The following KLF17 variants were observed in gnomAD, a reference collection of about 807,000 sequenced individuals.
KLF17 encodes the protein KLF transcription factor 17.
In KLF17, 31 loss-of-function variants were observed where a neutral mutation model predicts 34.2. That is an observed-to-expected ratio of 0.91 (90% CI 0.68 to 1.22). The LOEUF is 1.22. Among genes scored for constraint, KLF17 ranks in the 50% most tolerant of loss-of-function variants. The pLI is 0.00. For missense variants in KLF17, 478 were observed against 505.2 expected, an observed-to-expected ratio of 0.95 and a Z score of 0.52; for synonymous variants, 179 against 186.7, an observed-to-expected ratio of 0.96 and a Z score of 0.34.
upstream of KLF17, chr1:44,118,785 G>C: frequency 1.4e-6 from 1 of 737,222 alleles, no homozygotes; most frequent in Non-Finnish European, 2.1e-6. Flanking sequence ...GCCCCTTGGC[G>C]CAGCTGTAAA....
intron 1 of KLF17, among the ~76,000 whole-genome samples, chr1:44,128,282 G>A (rs2088052301): frequency 6.6e-6 from 1 of 152,128 alleles, no homozygotes; most frequent in African/African-American, 2.4e-5. Flanking sequence ...CTGAGCTCAA[G>A]CAATCCACCT....
the KLF17 span, among the ~76,000 whole-genome samples, chr1:44,100,079 T>TAC: frequency 0.39 from 53,534 of 138,104 alleles, 10,271 homozygotes; most frequent in Middle Eastern, 0.44. Flanking sequence ...CTACTAAAAA[T>TAC]ACACACACAC....
chr1:44,069,894 C>T, the KLF17 span: 1 of 152,154 alleles, frequency 6.6e-6, no homozygotes. The surrounding 1 kb of genome is among the most constrained non-coding windows in gnomAD (Gnocchi z 4.7). Context: ...CTGCTCCTGC[C>T]CCAGCGTCGG....
chr1:44,124,776 G>A (rs1009009049), intron 1 of KLF17, among the ~76,000 whole-genome samples: 1 of 152,148 alleles, frequency 6.6e-6, no homozygotes, highest in Non-Finnish European at 1.5e-5. Flanking sequence ...GATTACAGGT[G>A]TGAGCTGCTG....
At chr1:44,053,549 T>C in the KLF17 span, among the ~76,000 whole-genome samples, 8 of 151,990 alleles carry the variant, frequency 5.3e-5, no homozygotes, top group African/African-American at 1.9e-4. Flanking sequence ...CTGGCCCATA[T>C]CCCCTACTGC....
At chr1:44,096,116 A>G in the KLF17 span, among the ~76,000 whole-genome samples, 5 of 151,104 alleles carry the variant, frequency 3.3e-5, no homozygotes, top group Middle Eastern at 3.4e-3. Flanking sequence ...TAACATTTCT[A>G]TTTTTTGTAG....
At chr1:44,103,232 C>T in the KLF17 span, 2 of 655,956 alleles carry the variant, frequency 3.0e-6, no homozygotes, top group Non-Finnish European at 5.5e-6. Context: ...CTGTGCTCCC[C>T]TGCACAGCGG....
chr1:44,067,051 T>G, the KLF17 span, among the ~76,000 whole-genome samples: 1 of 152,222 alleles, frequency 6.6e-6, no homozygotes, highest in African/African-American at 2.4e-5. Context: ...CGATAACATT[T>G]AACTCTTGGG....
Position 44,129,846 on chromosome 1 carries a change from T to C in KLF17, c.575T>C (p.Leu192Ser), listed in dbSNP as rs531602229. 7.6e-5 allele frequency: 122 copies of C among 1,614,070 alleles called. No individual in the cohort carries two copies. In the South Asian group the frequency reaches 1.2e-3, roughly 16 times the overall value. The change falls in exon 2 of 4, where the codon TTG becomes TCG. Residue 192 changes from leucine (L) to serine (S), a missense_variant. Leu to Ser is a moderately radical substitution (Grantham distance 145, BLOSUM62 -2). Coordinates refer to ENST00000372299, the MANE Select transcript of KLF17 (RefSeq NM_173484.4). Reference sequence around the variant, plus strand: ...ACAGTACCTTCTGACGAAACATTGTTGGGCCCGACTGTGCCTTCCACTGAG... The same window carrying C: ...ACAGTACCTTCTGACGAAACATTGTCGGGCCCGACTGTGCCTTCCACTGAG... ...LSTVPSDETL[L>S]GPTVPSTEAQ...
At chr1:44,122,492 C>G (rs2087959488) in intron 1 of KLF17, 1 of 1,059,550 alleles carries the variant, frequency 9.4e-7, no homozygotes, top group African/African-American at 1.6e-5. Flanking sequence ...TCAATTTCAT[C>G]AAAAATCTCA....
chr1:44,129,443 A>C lies in KLF17; in HGVS notation c.172A>C (p.Ile58Leu). The C allele has an allele frequency of 6.2e-7, 1 of 1,601,834 alleles. No individual in the cohort carries two copies. The highest frequency in any genetic ancestry group is 8.5e-7 in the Non-Finnish European group (1 of 1,173,332). The change falls in exon 2 of 4, where the codon ATT becomes CTT. Residue 58 changes from isoleucine (I) to leucine (L), a missense_variant. Coordinates refer to ENST00000372299, the MANE Select transcript of KLF17 (RefSeq NM_173484.4). ...HTSWNQGLPS[I>L]QHFPHSAEML... ...CTCTTGGAACCAAGGCCTACCAAGC[A>C]TTCAGCACTTTCCTCACAGCGCAGA...
the KLF17 span, among the ~76,000 whole-genome samples, chr1:44,093,760 G>C: frequency 6.6e-6 from 1 of 152,198 alleles, no homozygotes; most frequent in Non-Finnish European, 1.5e-5. Context: ...GAGACCTCTG[G>C]AGGAGGGTTT....
intron 1 of KLF17, 42 bp downstream of exon 1, chr1:44,119,030 G>A (rs748464278): frequency 7.9e-6 from 12 of 1,522,086 alleles, no homozygotes; most frequent in Non-Finnish European, 9.8e-6. Context: ...GCGGGCCCAG[G>A]CTAGGGGGCG....
the KLF17 span, among the ~76,000 whole-genome samples, chr1:44,059,795 A>G: frequency 6.6e-6 from 1 of 151,616 alleles, no homozygotes; most frequent in African/African-American, 2.4e-5. Flanking sequence ...ACTCTGATCC[A>G]AATCTAGTTG....
the KLF17 span, among the ~76,000 whole-genome samples, chr1:44,069,449 G>C: frequency 6.7e-6 from 1 of 149,364 alleles, no homozygotes; most frequent in Non-Finnish European, 1.5e-5. The surrounding 1 kb of genome is among the most constrained non-coding windows in gnomAD (Gnocchi z 4.7). Context: ...AAGGCGGAGG[G>C]GAGCCAGTGT....
the KLF17 span, among the ~76,000 whole-genome samples, chr1:44,047,079 C>T: frequency 6.7e-6 from 1 of 149,478 alleles, no homozygotes; most frequent in African/African-American, 2.5e-5. Flanking sequence ...CAGACATGTC[C>T]TTGAAAGTAT....
the KLF17 span, among the ~76,000 whole-genome samples, chr1:44,049,709 C>T: frequency 6.6e-6 from 1 of 152,178 alleles, no homozygotes; most frequent in Non-Finnish European, 1.5e-5. Context: ...TCTTTAACTC[C>T]TGGACTCAGA....
chr1:44,087,605 T>C, the KLF17 span, among the ~76,000 whole-genome samples: 4 of 149,762 alleles, frequency 2.7e-5, no homozygotes, highest in African/African-American at 9.9e-5. Context: ...AGGATGGAGG[T>C]ACAAGCAGGG....
the KLF17 span, among the ~76,000 whole-genome samples, chr1:44,099,247 T>TA: frequency 2.7e-5 from 4 of 150,096 alleles, no homozygotes; most frequent in Admixed American, 1.3e-4. Flanking sequence ...CCACAAACAA[T>TA]AAAAAAATTA....
Sources: allele counts gnomAD v4.1 joint callset (sites outside exome capture counted in the v4.1 genomes callset), GRCh38; gene constraint gnomAD v4.1.1; non-coding constraint Gnocchi (gnomAD v3.1); transcripts MANE v1.5; gene names NCBI Gene and HGNC (gene_info 2026-07-23, HGNC 2026-07-21).